The following CPPED1 variants were observed in gnomAD, a reference collection of about 807,000 sequenced individuals.
CPPED1 encodes the protein serine/threonine-protein phosphatase CPPED1.
In CPPED1, 28 loss-of-function variants were observed where a neutral mutation model predicts 28.0. The ratio of observed to expected loss-of-function variants is 1.00; its 90% confidence interval spans 0.74 to 1.37. The LOEUF is 1.37. Among genes scored for constraint, CPPED1 ranks in the 40% most tolerant of loss-of-function variants. The probability of loss-of-function intolerance (pLI) is 0.00; values close to 1 mark genes in which losing one functional copy is unlikely to be tolerated. For missense variants in CPPED1, 504 were observed against 416.5 expected (o/e 1.21, Z -1.83); for synonymous variants, 198 against 180.2 (o/e 1.10, Z -0.79).
In CPPED1 at chr16:12,704,870, C is replaced by A. The variant is rs1392794589; in HGVS notation, c.469G>T (p.Gly157Cys). Residue 157 changes from glycine to cysteine, a missense_variant, in exon 3 of 4, where the codon GGC (glycine) becomes TGC (cysteine). Coordinates refer to ENST00000381774, the MANE Select transcript of CPPED1 (RefSeq NM_018340.3). The part of the protein sequence containing the change: ...GDDYFSFWVG[G>C]VLFLVLNSQF... ...GAGTTGAGGACCAGGAACAGGACGCCCCCGACCCAGAAGCTGAAGTAGTCA... is the reference window on the plus strand; with the variant it reads ...GAGTTGAGGACCAGGAACAGGACGCACCCGACCCAGAAGCTGAAGTAGTCA... The A allele has an allele frequency of 1.9e-6, 3 of 1,614,026 alleles. No homozygotes were observed. The highest frequency in any genetic ancestry group is 2.2e-5 in the East Asian group (1 of 44,894).
At chr16:12,800,022 TC>T (rs2080649765) in intron 1 of CPPED1, among the ~76,000 whole-genome samples, 1 of 152,178 alleles carries the variant, frequency 6.6e-6, no homozygotes. Flanking sequence ...GATCCTCTGG[TC>T]CCAGTGGTGG....
chr16:12,803,631 A>T, intron 1 of CPPED1, 76 bp downstream of exon 1: 1 of 1,269,072 alleles, frequency 7.9e-7, no homozygotes, highest in East Asian at 3.1e-5. Flanking sequence ...CGGAGCGCAC[A>T]CCTGAACAAA....
intron 1 of CPPED1, among the ~76,000 whole-genome samples, chr16:12,803,316 G>A (rs2080671902): frequency 6.6e-6 from 1 of 152,172 alleles, no homozygotes; most frequent in African/African-American, 2.4e-5. Context: ...TGCACCGAAC[G>A]CTTATCCAGT....
chr16:12,727,929 G>C (rs1009885304), intron 2 of CPPED1, among the ~76,000 whole-genome samples: 6 of 152,294 alleles, frequency 3.9e-5, no homozygotes, highest in African/African-American at 1.4e-4. Context: ...TGGCTGCCTG[G>C]AATGCAACTA....
intron 3 of CPPED1, among the ~76,000 whole-genome samples, chr16:12,672,531 G>A (rs1347368086): frequency 2.6e-5 from 4 of 152,206 alleles, no homozygotes; most frequent in African/African-American, 9.6e-5. Context: ...GTGATCCTGT[G>A]TAAAATAACG....
rs142828221 is a variant in CPPED1 at position 12,695,823 on chromosome 16, C to T, written c.715+8801G>A. On this transcript the variant is annotated intron_variant, in intron 3 of 3. Transcript: ENST00000381774. Reference sequence around the variant, plus strand: ...TGGCTGTGCTCGAGTCTTTCTGAGCCTCTATTCTGGTTCAGGGTCTGCCTG... The same window carrying T: ...TGGCTGTGCTCGAGTCTTTCTGAGCTTCTATTCTGGTTCAGGGTCTGCCTG... 1.8e-3 allele frequency among the ~76,000 whole-genome samples: 272 copies of T among 152,314 alleles called. 1 individual carries two copies. Among genetic ancestry groups the T allele is most frequent in the African/African-American group, 6.1e-3 (255 of 41,566 alleles).
At chr16:12,770,891 G>C (rs1418933370) in intron 2 of CPPED1, among the ~76,000 whole-genome samples, 1 of 124,694 alleles carries the variant, frequency 8.0e-6, no homozygotes, top group Admixed American at 7.9e-5. Flanking sequence ...AAGGAAGGGG[G>C]AGGGGCGGGG....
At position 12,716,611 on chromosome 16, in the gene CPPED1, G is replaced by A. The variant is rs996555562; in HGVS notation, c.290-11562C>T. Among the ~76,000 whole-genome samples, 6 of 152,262 alleles carry A rather than the reference G, an allele frequency of 3.9e-5. No individual in the cohort carries two copies. The East Asian group carries it at 5.8e-4, about 15-fold the overall frequency. On this transcript the variant is annotated intron_variant, in intron 2 of 3. Transcript: ENST00000381774. Reference sequence around the variant, plus strand: ...CAGTCCTATTTGGGATTTTAAATACGCAACCTAATGAAAAGTCAATTAAGA... The same window carrying A: ...CAGTCCTATTTGGGATTTTAAATACACAACCTAATGAAAAGTCAATTAAGA...
intron 2 of CPPED1, among the ~76,000 whole-genome samples, chr16:12,738,777 A>G (rs576475065): frequency 2.6e-5 from 4 of 152,194 alleles, no homozygotes; most frequent in Non-Finnish European, 5.9e-5. Context: ...AATGTCATCT[A>G]GTTAGGCCCC....
At chr16:12,685,472 A>G (rs1465812209) in intron 3 of CPPED1, among the ~76,000 whole-genome samples, 2 of 152,184 alleles carry the variant, frequency 1.3e-5, no homozygotes, top group Admixed American at 1.3e-4. Flanking sequence ...AATGAATAAA[A>G]TGATAATAAT....
chr16:12,717,687 C>T (rs1031125453), intron 2 of CPPED1, among the ~76,000 whole-genome samples: 4 of 152,068 alleles, frequency 2.6e-5, no homozygotes, highest in Non-Finnish European at 4.4e-5. Flanking sequence ...GTTGCACAGG[C>T]GGGAGTACAG....
At chr16:12,797,544 G>T (rs572009794) in intron 1 of CPPED1, among the ~76,000 whole-genome samples, 1 of 152,136 alleles carries the variant, frequency 6.6e-6, no homozygotes, top group South Asian at 2.1e-4. Context: ...GACAGAGTAA[G>T]ACCCTGTCTC....
intron 2 of CPPED1, among the ~76,000 whole-genome samples, chr16:12,764,329 A>G (rs1350766646): frequency 6.6e-6 from 1 of 151,834 alleles, no homozygotes; most frequent in Admixed American, 6.6e-5. Flanking sequence ...TCAGCCTCCC[A>G]AGTAGCTGCG....
chr16:12,754,879 G>C (rs1050839118), intron 2 of CPPED1, among the ~76,000 whole-genome samples: 1 of 152,162 alleles, frequency 6.6e-6, no homozygotes, highest in Non-Finnish European at 1.5e-5. Flanking sequence ...CGGCATGGTG[G>C]TGTGTACTTG....
chr16:12,705,144 A>G, intron 2 of CPPED1, 95 bp from the exon 3 acceptor site: 1 of 1,317,528 alleles, frequency 7.6e-7, no homozygotes, highest in Non-Finnish European at 1.0e-6. Flanking sequence ...TTAAAAAAAG[A>G]GTAATCTGGA....
intron 3 of CPPED1, among the ~76,000 whole-genome samples, chr16:12,680,063 T>C (rs1375734084): frequency 6.6e-6 from 1 of 152,210 alleles, no homozygotes; most frequent in Admixed American, 6.5e-5. Context: ...TTGTTCACAA[T>C]GCAGTTCTGC....
Position 12,803,804 on chromosome 16 carries a change from G to A in CPPED1, c.-28C>T. On this transcript the variant is annotated 5_prime_UTR_variant, in exon 1 of 4. Coordinates refer to ENST00000381774, the MANE Select transcript of CPPED1 (RefSeq NM_018340.3). Reference sequence around the variant, plus strand: ...CGAGCGAGTTTCTGGCCTTCACTTAGAACACTGCGTGGGTGGAAGCCGCGC... The same window carrying A: ...CGAGCGAGTTTCTGGCCTTCACTTAAAACACTGCGTGGGTGGAAGCCGCGC... The A allele has an allele frequency of 3.1e-6, 5 of 1,590,220 alleles. No homozygotes were observed. Among genetic ancestry groups the A allele is most frequent in the Non-Finnish European group, 4.3e-6 (5 of 1,169,364 alleles).
intron 2 of CPPED1, among the ~76,000 whole-genome samples, chr16:12,768,640 T>C: frequency 6.6e-6 from 1 of 152,298 alleles, no homozygotes; most frequent in Non-Finnish European, 1.5e-5. Context: ...GCCATGGGGA[T>C]CTGGGGTTCA....
At chr16:12,792,177 T>C (rs1011722199) in intron 1 of CPPED1, among the ~76,000 whole-genome samples, 2 of 152,148 alleles carry the variant, frequency 1.3e-5, no homozygotes, top group African/African-American at 4.8e-5. Context: ...GGTCTCAAAC[T>C]CCTGACTTCA....
Sources: allele counts gnomAD v4.1 joint callset (sites outside exome capture counted in the v4.1 genomes callset), GRCh38; gene constraint gnomAD v4.1.1; transcripts MANE v1.5; gene names NCBI Gene and HGNC (gene_info 2026-07-23, HGNC 2026-07-21).